The following PDS5A variants were observed in gnomAD, a reference collection of about 807,000 sequenced individuals.
The protein encoded by PDS5A is sister chromatid cohesion protein PDS5 homolog A.
A neutral mutation model predicts 167.1 loss-of-function variants in PDS5A; 42 were observed. The ratio of observed to expected loss-of-function variants is 0.25; its 90% CI spans 0.20 to 0.33. PDS5A has a LOEUF of 0.33. Among genes scored for constraint, PDS5A ranks in the 10% least tolerant of loss-of-function variants. The pLI is 1.00. For missense variants in PDS5A, 1,033 were observed against 1,605.9 expected (o/e 0.64, Z 6.10); for synonymous variants, 553 against 554.6 (o/e 1.00, Z 0.04).
chr4:39,863,906 G>T (rs921538945), intron 23 of PDS5A, among the ~76,000 whole-genome samples: 10 of 152,112 alleles, frequency 6.6e-5, no homozygotes. Flanking sequence ...CGAGGTGGAC[G>T]GATCACGAGG....
chr4:39,904,844 A>C (rs973440063), intron 11 of PDS5A, among the ~76,000 whole-genome samples: 2 of 152,162 alleles, frequency 1.3e-5, no homozygotes, highest in East Asian at 3.9e-4. Flanking sequence ...ACTATTAATA[A>C]CCTTATGGGA....
In PDS5A at chr4:39,838,076, C is replaced by T. The variant is rs181933926; in HGVS notation, c.3790G>A (p.Ala1264Thr). 257 of 1,613,840 alleles carry T rather than the reference C, an allele frequency of 1.6e-4. No individual in the cohort carries two copies. Among genetic ancestry groups the T allele is most frequent in the Admixed American group, 9.3e-4 (56 of 59,992 alleles). Residue 1264 changes from alanine (A) to threonine (T), a missense_variant, in exon 32 of 33, where the codon GCC becomes ACC. Physicochemically the swap from Ala to Thr is moderately conservative, Grantham distance 58. Transcript: ENST00000303538. Reference protein sequence around the residue: ...DEKVDESGPPAPSKPRRGRRP... With the variant: ...DEKVDESGPPTPSKPRRGRRP... ...CGTCCTCTCCTGGGTTTGGAAGGGG[C>T]GGGAGGTCCCGATTCATCTACTTTC...
chr4:39,955,157 T>C (rs769159799), intron 2 of PDS5A, among the ~76,000 whole-genome samples: 35 of 152,164 alleles, frequency 2.3e-4, no homozygotes, highest in Middle Eastern at 3.4e-3. Context: ...TTAGGAATAT[T>C]AAAGGACAAT....
intron 26 of PDS5A, among the ~76,000 whole-genome samples, chr4:39,858,489 G>A (rs1388961165): frequency 6.6e-6 from 1 of 152,038 alleles, no homozygotes; most frequent in Non-Finnish European, 1.5e-5. Context: ...AAATGGTACT[G>A]GAAAAACTGG....
intron 32 of PDS5A, among the ~76,000 whole-genome samples, chr4:39,828,551 A>G (rs905682049): frequency 1.3e-5 from 2 of 152,220 alleles, no homozygotes; most frequent in Admixed American, 1.3e-4. Context: ...CACATCAGAA[A>G]TCTACCTAAA....
At chr4:39,916,763 G>A (rs1452539075) in intron 8 of PDS5A, among the ~76,000 whole-genome samples, 1 of 152,060 alleles carries the variant, frequency 6.6e-6, no homozygotes, top group East Asian at 1.9e-4. Flanking sequence ...CTACTCGGGA[G>A]GCTGAGGCAG....
At chr4:39,888,874 T>C (rs1348271576) in intron 17 of PDS5A, among the ~76,000 whole-genome samples, 1 of 152,128 alleles carries the variant, frequency 6.6e-6, no homozygotes, top group African/African-American at 2.4e-5. Flanking sequence ...TGACTACAGT[T>C]TAATAGCTAA....
rs201313559 is a variant in PDS5A, at chr4:39,890,394, C to T, written c.1771-30G>A. On this transcript the variant is annotated intron_variant, in intron 16 of 32. Coordinates refer to ENST00000303538, the MANE Select transcript of PDS5A (RefSeq NM_001100399.2). ...AGAAAGAAAGGAGTTTTACCAAAAACGTGATTTGCTTTCATATTTTTGAAA... is the reference window on the plus strand; with the variant it reads ...AGAAAGAAAGGAGTTTTACCAAAAATGTGATTTGCTTTCATATTTTTGAAA... The T allele has an allele frequency of 3.8e-4, 448 of 1,167,300 alleles. 1 individual carries two copies. In the East Asian group the frequency reaches 8.9e-3, roughly 23 times the overall value. The allele number at this position is 1,167,300 out of a possible 1,614,324, so 72.3% of individuals were successfully genotyped here.
rs188020725 is a variant in PDS5A, at chr4:39,943,080, C to T, written c.139-14916G>A. Among the ~76,000 whole-genome samples, 173 of 150,934 alleles carry T rather than the reference C, an allele frequency of 1.1e-3. No homozygotes were observed. The Middle Eastern group carries it at 0.021, about 18-fold the overall frequency. On this transcript the variant is annotated intron_variant, in intron 2 of 32. Coordinates refer to ENST00000303538, the MANE Select transcript of PDS5A (RefSeq NM_001100399.2). ...TTCAGTAATTGACCAAGTCTGAGAA[C>T]AGAAATGCCTCCAAAATTTGCATTT...
Position 39,869,513 on chromosome 4 carries a change from G to C in PDS5A, c.2437-51C>G, listed in dbSNP as rs1453047569. 9 of 1,100,170 alleles carry C rather than the reference G, an allele frequency of 8.2e-6. 1 individual carries two copies. The Admixed American group carries it at 1.6e-4, about 20-fold the overall frequency. The allele number at this position is 1,100,170 out of a possible 1,614,324, so 68.2% of individuals were successfully genotyped here. On this transcript the variant is annotated intron_variant, in intron 21 of 32. Transcript: ENST00000303538. ...TATTAGCATGAAAAAAAAAATTTAT[G>C]TTTTTGCTGATTAAGTTTTTCATGT...
intron 32 of PDS5A, 48 bp downstream of exon 32, chr4:39,837,804 GAATA>G (rs1194208047): frequency 8.0e-6 from 11 of 1,378,470 alleles, no homozygotes; most frequent in Non-Finnish European, 1.1e-5. Context: ...AATATACTAC[GAATA>G]AAACAAAATG....
intron 32 of PDS5A, among the ~76,000 whole-genome samples, chr4:39,836,787 T>G (rs1231329065): frequency 1.4e-5 from 2 of 146,172 alleles, no homozygotes; most frequent in Non-Finnish European, 3.0e-5. Context: ...ATTTTAAATG[T>G]TTTTACACAC....
chr4:39,866,742 T>C (rs949306977), intron 23 of PDS5A, 119 bp downstream of exon 23: 7 of 811,638 alleles, frequency 8.6e-6, no homozygotes, highest in Non-Finnish European at 1.3e-5. Context: ...GTACATAAGA[T>C]CTGACCCTGA....
chr4:39,942,927 A>G (rs1727357869), intron 2 of PDS5A, among the ~76,000 whole-genome samples: 1 of 152,034 alleles, frequency 6.6e-6, no homozygotes, highest in Non-Finnish European at 1.5e-5. Flanking sequence ...GTGAACTCCT[A>G]AAGGATCTCC....
intron 26 of PDS5A, among the ~76,000 whole-genome samples, chr4:39,852,592 T>C (rs7671295): frequency 0.27 from 41,000 of 152,088 alleles, 6,423 homozygotes; most frequent in Middle Eastern, 0.42. Context: ...CTAAAAGTTA[T>C]AACTGCTCAT....
intron 2 of PDS5A, among the ~76,000 whole-genome samples, chr4:39,958,860 T>G (rs927209723): frequency 1.3e-5 from 2 of 152,136 alleles, no homozygotes; most frequent in Admixed American, 6.6e-5. Context: ...CCACCTGCCT[T>G]GGCCTCCTAA....
chr4:39,954,670 T>TAAAAAAAAAAA (rs777287409), intron 2 of PDS5A, among the ~76,000 whole-genome samples: 50 of 48,264 alleles, frequency 1.0e-3, no homozygotes, highest in African/African-American at 1.7e-3. Flanking sequence ...AAGAGATAAG[T>TAAAAAAAAAAA]AAAAAAAAAA....
chr4:39,868,816 T>A lies in PDS5A; in HGVS notation c.2505+578A>T, dbSNP rs146955876. 2.0e-3 allele frequency: 774 copies of A among 384,914 alleles called. 7 individuals are homozygous for A. The highest frequency in any genetic ancestry group is 0.015 in the African/African-American group (711 of 47,508). 23.8% of individuals were successfully genotyped at this position (384,914 alleles called of 1,614,324 possible). ...AACCAGGAAAAATGAATTGATAGAA[T>A]ATATGATGATGATGAAGCAACACAA... On this transcript the variant is annotated intron_variant, in intron 22 of 32. Coordinates refer to ENST00000303538, the MANE Select transcript of PDS5A (RefSeq NM_001100399.2).
intron 21 of PDS5A, among the ~76,000 whole-genome samples, chr4:39,871,957 C>G (rs535393834): frequency 6.6e-6 from 1 of 152,014 alleles, no homozygotes; most frequent in South Asian, 2.1e-4. Flanking sequence ...CCACCCACCT[C>G]GGCCCCTCAA....
Sources: allele counts gnomAD v4.1 joint callset (sites outside exome capture counted in the v4.1 genomes callset), GRCh38; gene constraint gnomAD v4.1.1; transcripts MANE v1.5; gene names NCBI Gene and HGNC (gene_info 2026-07-23, HGNC 2026-07-21).